The following FRMPD4 variants were observed in gnomAD, a reference collection of about 807,000 sequenced individuals.
FRMPD4 encodes the protein FERM and PDZ domain containing 4.
A neutral mutation model predicts 94.1 loss-of-function variants in FRMPD4; 22 were observed. The ratio of observed to expected loss-of-function variants is 0.23; its 90% confidence interval spans 0.17 to 0.33. The LOEUF is 0.33. FRMPD4 is among the 10% of genes least tolerant of loss of function. The pLI, the probability that FRMPD4 is intolerant of heterozygous loss-of-function variation, is 1.00. For synonymous variants in FRMPD4, 631 were observed against 548.6 expected, an observed-to-expected ratio of 1.15 and a Z score of -2.10; for missense variants, 1,111 against 1,339.9, an observed-to-expected ratio of 0.83 and a Z score of 2.67.
At chrX:11,952,719 C>T (rs1234330436) in intron 3 of FRMPD4, among the ~76,000 whole-genome samples, 1 of 112,145 alleles carries the variant, frequency 8.9e-6, no homozygotes, top group Non-Finnish European at 1.9e-5. Context: ...CCTGGGAACT[C>T]CCCTCTTCAC....
intron 1 of FRMPD4, among the ~76,000 whole-genome samples, chrX:12,149,769 G>A (rs144089435): frequency 8.9e-6 from 1 of 112,263 alleles, no homozygotes; most frequent in East Asian, 2.8e-4. Flanking sequence ...CTATCAAACA[G>A]CATCACATGC....
Position 12,341,043 on chromosome X carries a change from C to A in FRMPD4, c.42-157637C>A, listed in dbSNP as rs4240147. Among the ~76,000 whole-genome samples, 4 of 111,964 alleles carry A rather than the reference C, an allele frequency of 3.6e-5. No homozygotes were observed. In the South Asian group the frequency reaches 1.5e-3, roughly 42 times the overall value. ...CACTTTATTTATAAACTTCAGGCCT[C>A]CAGTTCTCAGCTTAGTTTAGTTTAG... On this transcript the variant is annotated intron_variant, in intron 1 of 16. Coordinates refer to ENST00000675598, the MANE Select transcript of FRMPD4 (RefSeq NM_001368397.1).
intron 1 of FRMPD4, among the ~76,000 whole-genome samples, chrX:12,222,169 C>CA (rs1319574260): frequency 2.7e-5 from 3 of 110,622 alleles, no homozygotes; most frequent in South Asian, 3.8e-4. Flanking sequence ...TCTGTCCCTA[C>CA]AAAAAATAAA....
At chrX:12,486,808 T>A (rs1394689595) in intron 1 of FRMPD4, among the ~76,000 whole-genome samples, 1 of 111,847 alleles carries the variant, frequency 8.9e-6, no homozygotes, top group African/African-American at 3.2e-5. Context: ...CTTGAGCCTA[T>A]TATGTGGGTT....
intron 2 of FRMPD4, among the ~76,000 whole-genome samples, chrX:12,553,669 C>A (rs1420323130): frequency 9.3e-6 from 1 of 108,054 alleles, no homozygotes; most frequent in Non-Finnish European, 1.9e-5. Flanking sequence ...AACACCAGCT[C>A]TGTGAAAGCT....
chrX:12,069,550 G>A (rs2054948824), intron 3 of FRMPD4, among the ~76,000 whole-genome samples: 1 of 111,876 alleles, frequency 8.9e-6, no homozygotes, highest in South Asian at 3.8e-4. Flanking sequence ...TGGGTTGGAT[G>A]TGAGATATAG....
chrX:11,941,610 C>T (rs1332894680), intron 3 of FRMPD4, among the ~76,000 whole-genome samples: 4 of 112,171 alleles, frequency 3.6e-5, no homozygotes, highest in Admixed American at 9.5e-5. Context: ...GCCTCAAGTA[C>T]TTAAAAGCTT....
chrX:12,603,771 T>C (rs2059105478), intron 2 of FRMPD4, among the ~76,000 whole-genome samples: 1 of 110,025 alleles, frequency 9.1e-6, no homozygotes, highest in Non-Finnish European at 1.9e-5. Flanking sequence ...AAATGTTGCT[T>C]TTTCAGCTCA....
intron 3 of FRMPD4, among the ~76,000 whole-genome samples, chrX:11,987,097 T>TCAAAAAAAAAAAAAAAAAAAAAAAAAA (rs1569137639): frequency 3.4e-4 from 5 of 14,642 alleles, no homozygotes; most frequent in African/African-American, 1.9e-3. Context: ...CAAAGACACA[T>TCAAAAAAAAAAAAAAAAAAAAAAAAAA]TAAAAAAAAA....
chrX:11,849,415 G>C (rs987690210), intron 1 of FRMPD4, among the ~76,000 whole-genome samples: 1 of 111,209 alleles, frequency 9.0e-6, no homozygotes, highest in Non-Finnish European at 1.9e-5. Context: ...AAATAGAAAA[G>C]TTCATCGTAA....
chrX:12,520,433 C>T (rs759051832), intron 2 of FRMPD4, among the ~76,000 whole-genome samples: 76 of 111,639 alleles, frequency 6.8e-4, no homozygotes, highest in African/African-American at 2.2e-3. Context: ...TTCTGGAGAT[C>T]TGTTGTGCAA....
intron 1 of FRMPD4, among the ~76,000 whole-genome samples, chrX:12,319,652 G>A (rs186627200): frequency 8.9e-6 from 1 of 111,896 alleles, no homozygotes; most frequent in East Asian, 2.8e-4. Context: ...GACAGGCTTG[G>A]GAATAGCAGC....
At chrX:12,426,231 A>T (rs1013060728) in intron 1 of FRMPD4, among the ~76,000 whole-genome samples, 1 of 111,264 alleles carries the variant, frequency 9.0e-6, no homozygotes, top group Non-Finnish European at 1.9e-5. Flanking sequence ...TTCAGGAGAG[A>T]CACATTATAG....
intron 3 of FRMPD4, among the ~76,000 whole-genome samples, chrX:11,931,069 G>C (rs2054120174): frequency 9.0e-6 from 1 of 111,319 alleles, no homozygotes; most frequent in Non-Finnish European, 1.9e-5. Context: ...CATGACTAAA[G>C]AGAGGAGAAA....
At chrX:11,848,067 G>T (rs1357888587) in intron 1 of FRMPD4, among the ~76,000 whole-genome samples, 5 of 109,092 alleles carry the variant, frequency 4.6e-5, no homozygotes, top group East Asian at 5.7e-4. Context: ...ATAAAAAAAA[G>T]AAAAATAATA....
chrX:12,145,252 T>C (rs1340212286), intron 1 of FRMPD4, among the ~76,000 whole-genome samples: 5 of 112,386 alleles, frequency 4.4e-5, no homozygotes, highest in African/African-American at 6.5e-5. Context: ...GGTCAGAGAC[T>C]GGTGTGGGGG....
intron 1 of FRMPD4, among the ~76,000 whole-genome samples, chrX:12,436,194 C>T (rs1485564808): frequency 1.8e-5 from 2 of 110,923 alleles, no homozygotes; most frequent in Non-Finnish European, 3.8e-5. Flanking sequence ...TTAGTGGACA[C>T]GGGTTTCATC....
At chrX:12,437,922 A>G (rs1040096213) in intron 1 of FRMPD4, among the ~76,000 whole-genome samples, 2 of 111,929 alleles carry the variant, frequency 1.8e-5, no homozygotes, top group African/African-American at 6.5e-5. Context: ...TTGTTTTGTG[A>G]GTTCTGCATA....
chrX:11,874,316 G>GT (rs2053771778), intron 2 of FRMPD4, among the ~76,000 whole-genome samples: 1 of 111,344 alleles, frequency 9.0e-6, no homozygotes, highest in Non-Finnish European at 1.9e-5. Flanking sequence ...TGACTGGCTA[G>GT]TTTTTTAAAT....
Sources: allele counts gnomAD v4.1 joint callset (sites outside exome capture counted in the v4.1 genomes callset), GRCh38; gene constraint gnomAD v4.1.1; transcripts MANE v1.5; gene names NCBI Gene and HGNC (gene_info 2026-07-23, HGNC 2026-07-21).